Variants in CTNND2 observed in about 807,000 individuals in gnomAD.
CTNND2 encodes the protein catenin delta-2.
Under a neutral mutation model 144.4 loss-of-function variants are expected in CTNND2, and 22 were observed. The ratio of observed to expected loss-of-function variants is 0.15; its 90% CI spans 0.11 to 0.22. The LOEUF (loss-of-function observed/expected upper bound fraction) is 0.22. Ranked by LOEUF, CTNND2 falls within the 10% of genes least tolerant of loss-of-function variation. The pLI is 1.00. For synonymous variants in CTNND2, 751 were observed against 695.6 expected (o/e 1.08, Z -1.25); for missense variants, 1,353 against 1,618.8 (o/e 0.84, Z 2.82).
At chr5:11,191,801 CAT>C (rs552932693) in intron 11 of CTNND2, among the ~76,000 whole-genome samples, 2,039 of 152,304 alleles carry the variant, frequency 0.013, 31 homozygotes, top group Non-Finnish European at 0.021. Flanking sequence ...GTGTATCACT[CAT>C]GTGGCAGATT....
chr5:11,713,219 T>C (rs1003179230), intron 2 of CTNND2, among the ~76,000 whole-genome samples: 2 of 152,200 alleles, frequency 1.3e-5, no homozygotes, highest in African/African-American at 4.8e-5. Context: ...TTAATATTAC[T>C]ATTATTAGAA....
intron 1 of CTNND2, among the ~76,000 whole-genome samples, chr5:11,846,539 T>C (rs1410283201): frequency 6.6e-6 from 1 of 152,038 alleles, no homozygotes; most frequent in East Asian, 1.9e-4. Flanking sequence ...AACTGGACAA[T>C]AACTTTTTGT....
Position 11,174,681 on chromosome 5 carries a change from C to G in CTNND2, c.1976-14922G>C, listed in dbSNP as rs117723278. 4.9e-4 allele frequency among the ~76,000 whole-genome samples: 74 copies of G among 152,178 alleles called. No homozygotes were observed. The East Asian group carries it at 0.012, about 25-fold the overall frequency. On this transcript the variant is annotated intron_variant, in intron 11 of 21. Transcript: ENST00000304623. ...CGTTAGCCAGTTGATCATTATGGCACGTATTCAGTGATTATACGCAGAGCA... is the reference window on the plus strand; with the variant it reads ...CGTTAGCCAGTTGATCATTATGGCAGGTATTCAGTGATTATACGCAGAGCA...
chr5:11,386,505 A>C (rs949656480), intron 6 of CTNND2, among the ~76,000 whole-genome samples: 3 of 152,218 alleles, frequency 2.0e-5, no homozygotes, highest in Non-Finnish European at 4.4e-5. Context: ...TCAAGTTCAT[A>C]TGCAGATCTG....
intron 9 of CTNND2, among the ~76,000 whole-genome samples, chr5:11,277,528 T>G (rs1239311716): frequency 6.7e-6 from 1 of 149,624 alleles, no homozygotes; most frequent in African/African-American, 2.4e-5. Flanking sequence ...ATTTATTTAT[T>G]TATTTATTTA....
intron 1 of CTNND2, among the ~76,000 whole-genome samples, chr5:11,816,252 T>C (rs965951029): frequency 4.6e-5 from 7 of 152,232 alleles, no homozygotes; most frequent in African/African-American, 1.4e-4. Flanking sequence ...TCAGTGAGTA[T>C]AGAGTTCCCA....
intron 2 of CTNND2, among the ~76,000 whole-genome samples, chr5:11,612,159 A>G (rs529623376): frequency 6.6e-6 from 1 of 152,314 alleles, no homozygotes; most frequent in Admixed American, 6.5e-5. Context: ...GGAAATCCCA[A>G]ATACCAGAAA....
intron 11 of CTNND2, among the ~76,000 whole-genome samples, chr5:11,180,955 T>TAG (rs1446903052): frequency 3.9e-5 from 6 of 152,100 alleles, no homozygotes; most frequent in Admixed American, 1.3e-4. Context: ...CAGAGTCTAC[T>TAG]AGTATGTGGG....
At chr5:11,308,080 A>T (rs1750440564) in intron 9 of CTNND2, among the ~76,000 whole-genome samples, 1 of 152,226 alleles carries the variant, frequency 6.6e-6, no homozygotes, top group Non-Finnish European at 1.5e-5. Flanking sequence ...CAGACTTCCC[A>T]GCCTCCAGAA....
At chr5:11,487,154 A>G (rs1162781695) in intron 3 of CTNND2, among the ~76,000 whole-genome samples, 1 of 152,184 alleles carries the variant, frequency 6.6e-6, no homozygotes, top group African/African-American at 2.4e-5. Context: ...TGATCATGTC[A>G]AAACTAATTA....
intron 7 of CTNND2, among the ~76,000 whole-genome samples, chr5:11,368,859 G>A (rs1757209470): frequency 6.6e-6 from 1 of 152,098 alleles, no homozygotes; most frequent in Non-Finnish European, 1.5e-5. Context: ...TAATATAAAT[G>A]GTATTGTTGG....
At chr5:11,719,695 G>A (rs1473589765) in intron 2 of CTNND2, among the ~76,000 whole-genome samples, 1 of 152,140 alleles carries the variant, frequency 6.6e-6, no homozygotes, top group Non-Finnish European at 1.5e-5. Flanking sequence ...ATGATTTGGA[G>A]AAGACCTTAG....
chr5:11,695,096 T>C lies in CTNND2; in HGVS notation c.174+37040A>G, dbSNP rs143654162. Among the ~76,000 whole-genome samples, 233 of 152,212 alleles carry C rather than the reference T, an allele frequency of 1.5e-3. 10 individuals carry two copies. In the East Asian group the frequency reaches 0.042, roughly 27 times the overall value. ...TGAGGTTAAGTAAATAGAAAGTAGATAGAAAACCACTAGCTTCCATCAGGG... is the reference window on the plus strand; with the variant it reads ...TGAGGTTAAGTAAATAGAAAGTAGACAGAAAACCACTAGCTTCCATCAGGG... On this transcript the variant is annotated intron_variant, in intron 2 of 21. Coordinates refer to ENST00000304623, the MANE Select transcript of CTNND2 (RefSeq NM_001332.4).
chr5:11,662,188 T>TATATATGTATATATATAC (rs1783274544), intron 2 of CTNND2, among the ~76,000 whole-genome samples: 11 of 131,494 alleles, frequency 8.4e-5, no homozygotes, highest in Non-Finnish European at 1.3e-4. Flanking sequence ...CATATATGTG[T>TATATATGTATATATATAC]ATATATGTGT....
intron 2 of CTNND2, among the ~76,000 whole-genome samples, chr5:11,703,263 A>T (rs774264983): frequency 1.3e-5 from 2 of 152,252 alleles, no homozygotes; most frequent in South Asian, 4.1e-4. Flanking sequence ...TCCCAATGAA[A>T]CATACATCCA....
chr5:11,875,757 C>G lies in CTNND2; in HGVS notation c.37+28060G>C, dbSNP rs902416802. Among the ~76,000 whole-genome samples, 40 of 152,272 alleles carry G rather than the reference C, an allele frequency of 2.6e-4. No homozygotes were observed. The Middle Eastern group carries it at 0.01, about 39-fold the overall frequency. On this transcript the variant is annotated intron_variant, in intron 1 of 21. Transcript: ENST00000304623. Reference sequence around the variant, plus strand: ...AATAAATACTGCTGTTTATAAGTCACCCAGACTACGGTATTTTGTTATAGC... The same window carrying G: ...AATAAATACTGCTGTTTATAAGTCAGCCAGACTACGGTATTTTGTTATAGC...
intron 15 of CTNND2, among the ~76,000 whole-genome samples, chr5:11,090,228 T>C (rs1329020870): frequency 1.3e-5 from 2 of 152,312 alleles, no homozygotes; most frequent in East Asian, 1.9e-4. Flanking sequence ...GCTGTGTCAA[T>C]TTCATCTAAG....
At position 11,170,942 on chromosome 5, in the gene CTNND2, A is replaced by G. The variant is rs573143442; in HGVS notation, c.1976-11183T>C. On this transcript the variant is annotated intron_variant, in intron 11 of 21. Coordinates refer to ENST00000304623, the MANE Select transcript of CTNND2 (RefSeq NM_001332.4). The stretch of plus-strand genomic sequence containing the variant: ...ACGTGCAGGGGAACTGCCCTTTATA[A>G]AACCATCAGCTCTTGGGAGACTTAT... Among the ~76,000 whole-genome samples, 3 of 152,246 alleles carry G rather than the reference A, an allele frequency of 2.0e-5. 1 individual carries two copies. In the South Asian group the frequency reaches 6.2e-4, roughly 32 times the overall value.
At chr5:11,235,012 C>T (rs1741471116) in intron 10 of CTNND2, among the ~76,000 whole-genome samples, 1 of 152,210 alleles carries the variant, frequency 6.6e-6, no homozygotes, top group Admixed American at 6.5e-5. Context: ...CTGGGAGCCA[C>T]TGTGCTTGGC....
Sources: gnomAD v4.1 joint callset for allele counts (sites outside exome capture counted in the v4.1 genomes callset) on GRCh38, gnomAD v4.1.1 for gene constraint, MANE v1.5 for transcripts, NCBI Gene and HGNC (gene_info 2026-07-23, HGNC 2026-07-21) for gene names.